The following AGBL1 variants were observed in gnomAD, a reference collection of about 807,000 sequenced individuals.
The protein encoded by AGBL1 is cytosolic carboxypeptidase 4.
Under a neutral mutation model 118.9 loss-of-function variants are expected in AGBL1, and 130 were observed. The observed-to-expected ratio is 1.09, with a 90% confidence interval of 0.95 to 1.26. The LOEUF (loss-of-function observed/expected upper bound fraction) is 1.26, where lower values mean the gene tolerates loss of function less well. Among genes scored for constraint, AGBL1 ranks in the 50% most tolerant of loss-of-function variants. The probability of loss-of-function intolerance (pLI) is 0.00; values close to 1 mark genes in which losing one functional copy is unlikely to be tolerated. For missense variants in AGBL1, 1,584 were observed against 1,298.1 expected (o/e 1.22, Z -3.38); for synonymous variants, 555 against 478.9 (o/e 1.16, Z -2.08).
intron 17 of AGBL1, among the ~76,000 whole-genome samples, chr15:86,362,568 G>T (rs1362974448): frequency 6.6e-6 from 1 of 152,176 alleles, no homozygotes; most frequent in Non-Finnish European, 1.5e-5. Flanking sequence ...TTTCCTGGAT[G>T]CCTGGACAGA....
chr15:86,266,255 A>G, intron 11 of AGBL1, 119 bp from the exon 12 acceptor site: 1 of 607,460 alleles, frequency 1.6e-6, no homozygotes, highest in East Asian at 3.0e-5. Flanking sequence ...GTGTTATTAA[A>G]CTTCTCTGTG....
At chr15:86,408,706 G>C (rs2081569579) in intron 18 of AGBL1, among the ~76,000 whole-genome samples, 1 of 152,182 alleles carries the variant, frequency 6.6e-6, no homozygotes, top group African/African-American at 2.4e-5. Context: ...ATGTCAATCT[G>C]GGTTCTGGTT....
In AGBL1 at chr15:86,635,305, CTCCTCCT is replaced by C. The variant is rs1567095049; in HGVS notation, c.2995-38967_2995-38961del. Among the ~76,000 whole-genome samples, 4 of 4,626 alleles carry C rather than the reference CTCCTCCT, an allele frequency of 8.6e-4. 1 individual carries two copies. The highest frequency in any genetic ancestry group is 0.056 in the East Asian group (2 of 36). 3.0% of individuals were successfully genotyped at this position (4,626 alleles called of 152,430 possible). A position where few individuals can be genotyped will look rare whatever the true frequency, so the allele number is the denominator to read the frequency against. ...TTCCCCTCCCCCTCCCCCTCCCCTCCTCCTCCTCCTCCTCCTCCTCCTCCTCCTCCTC... is the reference window on the plus strand; with the variant it reads ...TTCCCCTCCCCCTCCCCCTCCCCTCCCCTCCTCCTCCTCCTCCTCCTCCTC... On this transcript the variant is annotated intron_variant, in intron 21 of 22. Transcript: ENST00000614907.
At chr15:86,475,371 G>A (rs7177041) in intron 18 of AGBL1, among the ~76,000 whole-genome samples, 16 of 152,288 alleles carry the variant, frequency 1.1e-4, no homozygotes, top group African/African-American at 3.8e-4. Context: ...GTGTAGAGAA[G>A]TCCTTAAATG....
At chr15:86,865,238 G>A (rs964136728) in intron 22 of AGBL1, among the ~76,000 whole-genome samples, 10 of 152,220 alleles carry the variant, frequency 6.6e-5, no homozygotes, top group Admixed American at 6.5e-4. Flanking sequence ...ACAGCCCTGT[G>A]GGAGAGCTAA....
intron 22 of AGBL1, among the ~76,000 whole-genome samples, chr15:86,901,698 A>G (rs1242033042): frequency 1.3e-5 from 2 of 152,142 alleles, no homozygotes; most frequent in Non-Finnish European, 2.9e-5. Flanking sequence ...AATTTTTAAT[A>G]ATTGAATAAA....
At chr15:86,231,816 G>A (rs1258934051) in intron 6 of AGBL1, among the ~76,000 whole-genome samples, 2 of 152,156 alleles carry the variant, frequency 1.3e-5, no homozygotes, top group African/African-American at 4.8e-5. Context: ...GGTTTATTTA[G>A]CCTAAAGAAG....
intron 18 of AGBL1, among the ~76,000 whole-genome samples, chr15:86,408,209 C>T (rs903872546): frequency 6.6e-6 from 1 of 152,166 alleles, no homozygotes; most frequent in African/African-American, 2.4e-5. Context: ...TCTCTATGTT[C>T]TGTGGCCTCT....
At chr15:86,692,428 C>T (rs1379522282) in intron 22 of AGBL1, among the ~76,000 whole-genome samples, 1 of 151,970 alleles carries the variant, frequency 6.6e-6, no homozygotes, top group Admixed American at 6.6e-5. Flanking sequence ...GTGGAACTGG[C>T]GAAGAATTGC....
intron 23 of AGBL1, among the ~76,000 whole-genome samples, chr15:86,959,335 A>T (rs868798228): frequency 5.9e-5 from 9 of 152,140 alleles, no homozygotes; most frequent in Middle Eastern, 3.2e-3. Context: ...GAGTAGTTCA[A>T]CATCCAGTTC....
At chr15:86,952,835 C>G (rs2141673035) in intron 23 of AGBL1, among the ~76,000 whole-genome samples, 1 of 152,226 alleles carries the variant, frequency 6.6e-6, no homozygotes, top group East Asian at 1.9e-4. Context: ...AATCTTTAAT[C>G]TATTTTCAGT....
intron 22 of AGBL1, among the ~76,000 whole-genome samples, chr15:86,808,694 C>T (rs756618351): frequency 1.4e-5 from 2 of 146,926 alleles, no homozygotes; most frequent in Non-Finnish European, 3.0e-5. Context: ...CTTTTTCCTT[C>T]CTCCTTCCTT....
Position 86,615,396 on chromosome 15 carries a change from G to T in AGBL1, c.2995-58877G>T, listed in dbSNP as rs2084707364. Among the ~76,000 whole-genome samples, 1 of 152,178 alleles carries T rather than the reference G, an allele frequency of 6.6e-6. No homozygotes were observed. Among genetic ancestry groups the T allele is most frequent in the Admixed American group, 6.5e-5 (1 of 15,280 alleles). ...AGGTTTGATGCAGGTGGTGTCCAGT[G>T]GGATCTGGGGTAAGGAGGAAGAAGG... On this transcript the variant is annotated intron_variant, in intron 21 of 22. Coordinates refer to ENST00000614907, the MANE Select transcript of AGBL1 (RefSeq NM_001386094.1). The surrounding 1 kb of genome is among the most constrained non-coding windows in gnomAD (Gnocchi z 4.3).
chr15:86,279,888 G>T lies in AGBL1; in HGVS notation c.2220+105G>T, dbSNP rs142484200. On this transcript the variant is annotated intron_variant, in intron 16 of 22. Transcript: ENST00000614907. ...TGACATCCTGATGGGGTGCAGAGGGGAATGTAGGGGAACTACAGCCTTCCT... is the reference window on the plus strand; with the variant it reads ...TGACATCCTGATGGGGTGCAGAGGGTAATGTAGGGGAACTACAGCCTTCCT... 4.6e-4 allele frequency: 643 copies of T among 1,403,326 alleles called. 4 individuals are homozygous for T. In the African/African-American group the frequency reaches 8.2e-3, roughly 18 times the overall value. 86.9% of individuals were successfully genotyped at this position (1,403,326 alleles called of 1,614,324 possible). A position where few individuals can be genotyped will look rare whatever the true frequency, so the allele number is the denominator to read the frequency against.
intron 21 of AGBL1, among the ~76,000 whole-genome samples, chr15:86,619,995 G>A (rs1328020634): frequency 1.3e-5 from 2 of 152,142 alleles, no homozygotes; most frequent in Non-Finnish European, 2.9e-5. Context: ...GGGCTTTCCA[G>A]ACTCACTAGT....
At chr15:86,670,600 G>GACAC (rs9302341) in intron 21 of AGBL1, among the ~76,000 whole-genome samples, 6,608 of 133,126 alleles carry the variant, frequency 0.05, 187 homozygotes, top group Middle Eastern at 0.072. Context: ...GTGAAACTCT[G>GACAC]ACACACACAC....
At chr15:86,753,903 G>T (rs550243309) in intron 22 of AGBL1, among the ~76,000 whole-genome samples, 208 of 152,182 alleles carry the variant, frequency 1.4e-3, no homozygotes, top group African/African-American at 4.9e-3. Flanking sequence ...GCTCTCTAGA[G>T]CTAGGCATCA....
At chr15:86,101,884 T>C (rs117228898) in intron 1 of AGBL1, among the ~76,000 whole-genome samples, 7,643 of 152,284 alleles carry the variant, frequency 0.05, 285 homozygotes, top group Non-Finnish European at 0.079. Flanking sequence ...TTGTTATTGA[T>C]ATGTGAGGGC....
intron 22 of AGBL1, among the ~76,000 whole-genome samples, chr15:86,848,409 GAATT>G (rs1390478084): frequency 1.3e-5 from 2 of 152,166 alleles, no homozygotes; most frequent in African/African-American, 4.8e-5. Flanking sequence ...ATAGGTGAAA[GAATT>G]AATGAGAATG....
Sources: allele counts gnomAD v4.1 joint callset (sites outside exome capture counted in the v4.1 genomes callset), GRCh38; gene constraint gnomAD v4.1.1; non-coding constraint Gnocchi (gnomAD v3.1); transcripts MANE v1.5; gene names NCBI Gene and HGNC (gene_info 2026-07-23, HGNC 2026-07-21).